ESCO1: variants seen among roughly 807,000 people sequenced by gnomAD.
The protein encoded by ESCO1 is establishment of sister chromatid cohesion N-acetyltransferase 1, also known as N-acetyltransferase ESCO1.
A neutral mutation model predicts 83.5 loss-of-function variants in ESCO1; 33 were observed. The ratio of observed to expected loss-of-function variants is 0.40; its 90% CI spans 0.30 to 0.53. The LOEUF is 0.53. Ranked by LOEUF, ESCO1 falls within the 20% of genes least tolerant of loss-of-function variation. The probability of loss-of-function intolerance (pLI) is 0.63; values close to 1 mark genes in which losing one functional copy is unlikely to be tolerated. For missense variants in ESCO1, 855 were observed against 968.0 expected (o/e 0.88, Z 1.55); for synonymous variants, 332 against 324.3 (o/e 1.02, Z -0.25).
intron 8 of ESCO1, among the ~76,000 whole-genome samples, chr18:21,549,274 T>C (rs1355394446): frequency 6.6e-6 from 1 of 152,198 alleles, no homozygotes; most frequent in Non-Finnish European, 1.5e-5. Context: ...AAATCTACTT[T>C]AGGACCATGA....
intron 1 of ESCO1, among the ~76,000 whole-genome samples, chr18:21,589,847 T>C (rs1360849073): frequency 3.9e-5 from 2 of 51,486 alleles, no homozygotes; most frequent in Non-Finnish European, 1.9e-4. Context: ...TTTTCCTCTC[T>C]TTTTTTTTCT....
intron 1 of ESCO1, among the ~76,000 whole-genome samples, chr18:21,591,411 G>C (rs2038666116): frequency 6.6e-6 from 1 of 152,124 alleles, no homozygotes; most frequent in Admixed American, 6.6e-5. Context: ...GCAGACATAG[G>C]AAACTGGTCT....
intron 8 of ESCO1, 52 bp from the exon 9 acceptor site, chr18:21,540,061 T>C (rs1430300031): frequency 2.1e-6 from 3 of 1,427,210 alleles, no homozygotes. Flanking sequence ...GAATTTTATG[T>C]ATATTCTATT....
At chr18:21,547,749 AG>A (rs1371868108) in intron 8 of ESCO1, among the ~76,000 whole-genome samples, 3 of 152,238 alleles carry the variant, frequency 2.0e-5, no homozygotes, top group Non-Finnish European at 4.4e-5. Flanking sequence ...AAATAGTTTT[AG>A]GAAGATAGAG....
At chr18:21,540,607 T>C (rs1490917833) in intron 8 of ESCO1, 2 of 1,337,086 alleles carry the variant, frequency 1.5e-6, no homozygotes, top group Non-Finnish European at 2.0e-6. Flanking sequence ...AAGGAGAAGC[T>C]ACGTTGTGTG....
rs2038399333 is a variant in ESCO1 at position 21,574,877 on chromosome 18, T to C, written c.-34A>G. On this transcript the variant is annotated 5_prime_UTR_variant, in exon 4 of 12. Coordinates refer to ENST00000269214, the MANE Select transcript of ESCO1 (RefSeq NM_052911.3). ...AATGACTTTCTTTTCTGAGTAGTTT[T>C]GAAGAGGATTTTTGTGTCCTGGTAG... 2 of 1,517,212 alleles carry C rather than the reference T, an allele frequency of 1.3e-6. No homozygotes were observed. The allele number at this position is 1,517,212 out of a possible 1,614,324, so 94.0% of individuals were successfully genotyped here. A position where few individuals can be genotyped will look rare whatever the true frequency, so the allele number is the denominator to read the frequency against.
Position 21,574,542 on chromosome 18 carries a change from TTC to T in ESCO1, c.300_301del (p.Lys101IlefsTer9). 6.2e-7 allele frequency: 1 copy of T among 1,613,794 alleles called. No individual in the cohort carries two copies. Among genetic ancestry groups the T allele is most frequent in the East Asian group, 2.2e-5 (1 of 44,862 alleles). ...ATGTACTAATTTTTTCTGAGATAAT[TTC>T]TTTTTTGTAGATTCTTGTGAATATC... is the stretch of plus-strand genomic sequence containing the variant. On this transcript the variant is annotated frameshift_variant, in exon 4 of 12. Coordinates refer to ENST00000269214, the MANE Select transcript of ESCO1 (RefSeq NM_052911.3). LOFTEE classifies it high-confidence loss of function.
In ESCO1 at chr18:21,574,771, C is replaced by G. The variant is rs762563138; in HGVS notation, c.73G>C (p.Glu25Gln). The change falls in exon 4 of 12, where the codon GAA becomes CAA. Residue 25 changes from glutamate to glutamine, a missense_variant. Around this residue, in one of 2 missense-constraint regions of ESCO1, gnomAD observed 726 missense variants for 699.5 expected, o/e 1.04. Transcript: ENST00000269214. ...VTKKSDDKNSETEIQDSQKNL... is the reference protein window; with the variant it reads ...VTKKSDDKNSQTEIQDSQKNL... ...TTTTGAGAATCCTGAATTTCTGTTTCTGAATTCTTATCGTCACTTTTTTTA... is the reference window on the plus strand; with the variant it reads ...TTTTGAGAATCCTGAATTTCTGTTTGTGAATTCTTATCGTCACTTTTTTTA... 11 of 1,605,758 alleles carry G rather than the reference C, an allele frequency of 6.9e-6. No individual in the cohort carries two copies. The highest frequency in any genetic ancestry group is 9.3e-6 in the Non-Finnish European group (11 of 1,179,646).
At chr18:21,555,836 C>T (rs1263824093) in intron 8 of ESCO1, among the ~76,000 whole-genome samples, 1 of 152,042 alleles carries the variant, frequency 6.6e-6, no homozygotes, top group Non-Finnish European at 1.5e-5. Context: ...GGCCTGGTGG[C>T]CTGTGCCTAT....
chr18:21,567,901 G>C (rs1026060602), intron 5 of ESCO1, 79 bp downstream of exon 5: 1 of 984,002 alleles, frequency 1.0e-6, no homozygotes, highest in African/African-American at 1.6e-5. Flanking sequence ...AACCCTATTT[G>C]GTATATAACA....
chr18:21,571,515 A>C (rs529091845), intron 4 of ESCO1, among the ~76,000 whole-genome samples: 2 of 152,284 alleles, frequency 1.3e-5, no homozygotes, highest in Admixed American at 1.3e-4. Flanking sequence ...ATGTTCCTCC[A>C]AACAGAGGGG....
chr18:21,568,524 T>C (rs2038294282), intron 4 of ESCO1, among the ~76,000 whole-genome samples: 1 of 152,236 alleles, frequency 6.6e-6, no homozygotes, highest in Non-Finnish European at 1.5e-5. Context: ...AATATGGTCA[T>C]CACTCCCACA....
intron 11 of ESCO1, 86 bp downstream of exon 11, chr18:21,532,387 T>A: frequency 1.5e-6 from 2 of 1,366,164 alleles, no homozygotes; most frequent in South Asian, 1.4e-5. Context: ...ATTATACGCA[T>A]GTTAATTAAA....
At chr18:21,580,819 C>T (rs2038491876) in intron 2 of ESCO1, among the ~76,000 whole-genome samples, 1 of 151,914 alleles carries the variant, frequency 6.6e-6, no homozygotes, top group African/African-American at 2.4e-5. Flanking sequence ...GAGGAACCCC[C>T]GTCTCTACTA....
At chr18:21,579,082 G>A (rs906527926) in intron 2 of ESCO1, among the ~76,000 whole-genome samples, 8 of 151,916 alleles carry the variant, frequency 5.3e-5, no homozygotes, top group African/African-American at 1.7e-4. Flanking sequence ...GGCGGGTCCC[G>A]AACTCCTGAC....
chr18:21,553,265 G>A (rs1160095724), intron 8 of ESCO1, among the ~76,000 whole-genome samples: 4 of 152,084 alleles, frequency 2.6e-5, no homozygotes, highest in Non-Finnish European at 5.9e-5. Context: ...ACTCCAGCCT[G>A]AGTGACAGAG....
chr18:21,556,207 CTG>C (rs1483894993), intron 8 of ESCO1, among the ~76,000 whole-genome samples: 2 of 151,962 alleles, frequency 1.3e-5, no homozygotes, highest in Non-Finnish European at 2.9e-5. Flanking sequence ...TGAGCTATAA[CTG>C]TGCCACTGCA....
intron 1 of ESCO1, among the ~76,000 whole-genome samples, chr18:21,585,928 C>T (rs2038569451): frequency 6.6e-6 from 1 of 152,104 alleles, no homozygotes; most frequent in Non-Finnish European, 1.5e-5. Flanking sequence ...ATAATGATTA[C>T]ACATATTTCT....
At chr18:21,586,661 C>T (rs1391870678) in intron 1 of ESCO1, among the ~76,000 whole-genome samples, 1 of 152,098 alleles carries the variant, frequency 6.6e-6, no homozygotes, top group Non-Finnish European at 1.5e-5. Flanking sequence ...CTTAGGATTT[C>T]CTACAGGTAA....
Sources: allele counts gnomAD v4.1 joint callset (sites outside exome capture counted in the v4.1 genomes callset), GRCh38; gene constraint gnomAD v4.1.1; regional missense constraint gnomAD v4.1.1; transcripts MANE v1.5; gene names NCBI Gene and HGNC (gene_info 2026-07-23, HGNC 2026-07-21).